PRKN: variants seen among roughly 807,000 people sequenced by gnomAD.
PRKN encodes the protein parkin RBR E3 ubiquitin protein ligase.
Under a neutral mutation model 59.5 loss-of-function variants are expected in PRKN, and 56 were observed. The observed-to-expected ratio is 0.94, with a 90% CI of 0.76 to 1.18. PRKN has a LOEUF of 1.18. Ranked by LOEUF, PRKN falls within the 50% of genes most tolerant of loss-of-function variation. PRKN has a pLI of 0.00. For synonymous variants in PRKN, 250 were observed against 222.1 expected (o/e 1.13, Z -1.12); for missense variants, 657 against 596.4 (o/e 1.10, Z -1.06).
chr6:161,494,436 T>C (rs71567614), intron 9 of PRKN, among the ~76,000 whole-genome samples: 12,274 of 152,260 alleles, frequency 0.081, 615 homozygotes, highest in South Asian at 0.14. Context: ...GGACTGAATC[T>C]TAAGGAGAGT....
intron 5 of PRKN, among the ~76,000 whole-genome samples, chr6:162,004,715 A>G (rs865895465): frequency 1.2e-4 from 18 of 152,330 alleles, no homozygotes; most frequent in South Asian, 6.2e-4. Flanking sequence ...ATCCACATGG[A>G]AACTCATTTA....
At chr6:161,370,591 CAAAA>C (rs560655971) in intron 10 of PRKN, among the ~76,000 whole-genome samples, 7 of 57,830 alleles carry the variant, frequency 1.2e-4, no homozygotes, top group African/African-American at 2.5e-4. Context: ...GACTCTGTGT[CAAAA>C]AAAAAAAAAA....
At chr6:162,439,520 C>G (rs758715750) in intron 2 of PRKN, among the ~76,000 whole-genome samples, 8 of 152,124 alleles carry the variant, frequency 5.3e-5, no homozygotes, top group Admixed American at 2.6e-4. Context: ...TCCTTGGGTT[C>G]TAAAATCCCT....
chr6:162,298,788 A>G (rs1781809117), intron 2 of PRKN, among the ~76,000 whole-genome samples: 3 of 152,226 alleles, frequency 2.0e-5, no homozygotes, highest in South Asian at 4.1e-4. Context: ...CCTGAGCTGT[A>G]TAAGATTCTC....
chr6:162,677,466 GAAAAAAAAAAA>G (rs10712151), intron 1 of PRKN, among the ~76,000 whole-genome samples: 31 of 91,398 alleles, frequency 3.4e-4, no homozygotes, highest in Admixed American at 2.7e-3. Flanking sequence ...GCACTGTGGA[GAAAAAAAAAAA>G]AAAAAAAAAA....
intron 6 of PRKN, among the ~76,000 whole-genome samples, chr6:161,849,175 T>C (rs1408180792): frequency 2.0e-5 from 3 of 152,146 alleles, no homozygotes; most frequent in South Asian, 2.1e-4. Flanking sequence ...CTTAAACTTG[T>C]TTTTCAGTTT....
At position 161,360,257 on chromosome 6, in the gene PRKN, T is replaced by A; in HGVS notation, c.1168-52A>T. The stretch of plus-strand genomic sequence containing the variant: ...TAATCTCAGCTTTCTATTACTGGGA[T>A]CAGAGTTTATGTTCCCTGTACGTCG... On this transcript the variant is annotated intron_variant, in intron 10 of 11. Coordinates refer to ENST00000366898, the MANE Select transcript of PRKN (RefSeq NM_004562.3). This position sits in a 1 kb window ranked among gnomAD's most constrained non-coding sequence, Gnocchi z 5.1. 2 of 1,376,718 alleles carry A rather than the reference T, an allele frequency of 1.5e-6. No homozygotes were observed. Among genetic ancestry groups the A allele is most frequent in the Non-Finnish European group, 2.1e-6 (2 of 962,752 alleles). 85.3% of individuals were successfully genotyped at this position (1,376,718 alleles called of 1,614,324 possible).
intron 9 of PRKN, among the ~76,000 whole-genome samples, chr6:161,426,676 C>CACACACACACACACACA (rs11271613): frequency 2.1e-5 from 3 of 142,678 alleles, no homozygotes; most frequent in Non-Finnish European, 4.5e-5. Flanking sequence ...CACACACACA[C>CACACACACACACACACA]CTCCTATTAG....
At chr6:162,127,771 C>T (rs1028390967) in intron 4 of PRKN, among the ~76,000 whole-genome samples, 11 of 152,182 alleles carry the variant, frequency 7.2e-5, no homozygotes, top group African/African-American at 2.7e-4. Context: ...TTGATTGTTC[C>T]ATCCCTATGG....
chr6:162,713,269 C>A (rs2849517), intron 1 of PRKN, among the ~76,000 whole-genome samples: 2 of 151,988 alleles, frequency 1.3e-5, no homozygotes, highest in Non-Finnish European at 2.9e-5. Context: ...CCGAGGCGGG[C>A]GGATCACGAG....
intron 4 of PRKN, among the ~76,000 whole-genome samples, chr6:162,074,427 C>T (rs1778725901): frequency 7.0e-6 from 1 of 142,872 alleles, no homozygotes. Flanking sequence ...GGGAATTGAA[C>T]AATGAGATCA....
intron 2 of PRKN, among the ~76,000 whole-genome samples, chr6:162,346,989 T>G (rs1419058347): frequency 6.6e-6 from 1 of 151,946 alleles, no homozygotes; most frequent in East Asian, 1.9e-4. Context: ...ATTTGTTAAG[T>G]GTACTTTTTT....
chr6:162,703,054 G>T (rs1171738729), intron 1 of PRKN, among the ~76,000 whole-genome samples: 1 of 152,142 alleles, frequency 6.6e-6, no homozygotes, highest in East Asian at 1.9e-4. Flanking sequence ...TATTCTAGGT[G>T]TTGATTACTA....
chr6:161,464,981 A>G (rs1165308028), intron 9 of PRKN, among the ~76,000 whole-genome samples: 1 of 152,228 alleles, frequency 6.6e-6, no homozygotes, highest in Non-Finnish European at 1.5e-5. Flanking sequence ...CTGCTTCTGC[A>G]GAGCTCAGGT....
chr6:162,280,881 A>T (rs1315983628), intron 2 of PRKN, among the ~76,000 whole-genome samples: 1 of 151,970 alleles, frequency 6.6e-6, no homozygotes, highest in Admixed American at 6.6e-5. Flanking sequence ...GAGACATGAA[A>T]AACCCTTCCA....
chr6:161,849,083 C>T (rs184920351), intron 6 of PRKN, among the ~76,000 whole-genome samples: 1 of 152,318 alleles, frequency 6.6e-6, no homozygotes, highest in African/African-American at 2.4e-5. Flanking sequence ...GGTTGCCAGT[C>T]TACAGAAATG....
intron 7 of PRKN, among the ~76,000 whole-genome samples, chr6:161,698,306 G>A (rs181865866): frequency 6.6e-6 from 1 of 152,086 alleles, no homozygotes; most frequent in Non-Finnish European, 1.5e-5. Context: ...ATTTACAATG[G>A]AGAAAATAAC....
intron 5 of PRKN, among the ~76,000 whole-genome samples, chr6:162,009,943 A>C (rs1782421434): frequency 6.6e-6 from 1 of 151,560 alleles, no homozygotes; most frequent in Non-Finnish European, 1.5e-5. Flanking sequence ...GTCAAAAAAA[A>C]ATAAAGTCTT....
rs775166951 is a variant in PRKN, at chr6:161,362,818, T to A, written c.1168-2613A>T. ...ATTACACAAATAAAATTCTAAGAAA[T>A]CTGGGATCATAATAAAAAAGTTAAA... On this transcript the variant is annotated intron_variant, in intron 10 of 11. Transcript: ENST00000366898. This position sits in a 1 kb window ranked among gnomAD's most constrained non-coding sequence, Gnocchi z 5.2. Among the ~76,000 whole-genome samples, 4 of 152,168 alleles carry A rather than the reference T, an allele frequency of 2.6e-5. No homozygotes were observed. The highest frequency in any genetic ancestry group is 6.8e-3 in the Middle Eastern group (2 of 294).
Sources: gnomAD v4.1 joint callset for allele counts (sites outside exome capture counted in the v4.1 genomes callset) on GRCh38, gnomAD v4.1.1 for gene constraint, Gnocchi (gnomAD v3.1) non-coding constraint, MANE v1.5 for transcripts, NCBI Gene and HGNC (gene_info 2026-07-23, HGNC 2026-07-21) for gene names.